The following BTRC variants were observed in gnomAD, a reference collection of about 807,000 sequenced individuals.
The protein encoded by BTRC is F-box/WD repeat-containing protein 1A.
A neutral mutation model predicts 85.5 loss-of-function variants in BTRC; 42 were observed. That is an observed-to-expected ratio of 0.49 (90% CI 0.38 to 0.64). The LOEUF (loss-of-function observed/expected upper bound fraction) is 0.64. Among genes scored for constraint, BTRC ranks in the 30% least tolerant of loss-of-function variants. BTRC has a pLI of 0.00. For missense variants in BTRC, 594 were observed against 743.5 expected (o/e 0.80, Z 2.34); for synonymous variants, 255 against 263.3 (o/e 0.97, Z 0.30).
At chr10:101,499,022 A>G (rs1946336495) in intron 4 of BTRC, among the ~76,000 whole-genome samples, 1 of 152,032 alleles carries the variant, frequency 6.6e-6, no homozygotes. Flanking sequence ...AATAATAATA[A>G]TAGCCACCTT....
At chr10:101,385,823 T>C (rs906103925) in intron 1 of BTRC, among the ~76,000 whole-genome samples, 4 of 129,964 alleles carry the variant, frequency 3.1e-5, no homozygotes, top group Non-Finnish European at 7.3e-5. Context: ...AACCCTGATC[T>C]AGCTTGTTTT....
chr10:101,549,713 C>CAA (rs755481178), intron 13 of BTRC, among the ~76,000 whole-genome samples: 2,417 of 42,346 alleles, frequency 0.057, 299 homozygotes, highest in African/African-American at 0.09. Flanking sequence ...GACTCTGTCT[C>CAA]AAAAAAAAAA....
chr10:101,551,480 C>T (rs1379667465), intron 14 of BTRC, among the ~76,000 whole-genome samples: 5 of 152,210 alleles, frequency 3.3e-5, no homozygotes, highest in African/African-American at 9.7e-5. Context: ...TCTCCAACCT[C>T]TCTCTCAGGC....
In BTRC at chr10:101,531,223, T is replaced by C. The variant is rs375593157; in HGVS notation, c.744-14T>C. ...TGTCATGATTTTCACTGGGAAATAT[T>C]TGTTATTTTTTAGGGGACAGTATTT... On this transcript the variant is annotated splice_polypyrimidine_tract_variant and intron_variant, in intron 6 of 14. Transcript: ENST00000370187. 6.5e-7 allele frequency: 1 copy of C among 1,533,416 alleles called. No homozygotes were observed. Among genetic ancestry groups the C allele is most frequent in the Non-Finnish European group, 9.0e-7 (1 of 1,113,058 alleles). The allele number at this position is 1,533,416 out of a possible 1,614,324, so 95.0% of individuals were successfully genotyped here.
intron 4 of BTRC, among the ~76,000 whole-genome samples, chr10:101,512,313 T>G (rs2061967597): frequency 6.6e-6 from 1 of 152,240 alleles, no homozygotes. Context: ...CCAGAGCCTT[T>G]CCTTAAAGCC....
intron 2 of BTRC, among the ~76,000 whole-genome samples, chr10:101,436,372 C>G (rs1025203812): frequency 6.6e-6 from 1 of 152,108 alleles, no homozygotes; most frequent in Non-Finnish European, 1.5e-5. Flanking sequence ...GGGCCGGGCA[C>G]GGTGATGCAC....
intron 1 of BTRC, among the ~76,000 whole-genome samples, chr10:101,413,129 T>C (rs562713273): frequency 6.6e-6 from 1 of 152,086 alleles, no homozygotes; most frequent in South Asian, 2.1e-4. Context: ...TTTGTTTGTT[T>C]TGGGTTTGTT....
intron 2 of BTRC, 102 bp downstream of exon 2, chr10:101,430,554 T>C (rs999958837): frequency 5.7e-6 from 5 of 878,742 alleles, no homozygotes; most frequent in Non-Finnish European, 3.6e-6. Flanking sequence ...ATATTCATCT[T>C]TTCTCCTTCA....
At chr10:101,416,056 T>A (rs1040297339) in intron 1 of BTRC, among the ~76,000 whole-genome samples, 19 of 152,194 alleles carry the variant, frequency 1.2e-4, no homozygotes, top group African/African-American at 4.3e-4. Context: ...AGAAATCACC[T>A]AGTGATGCAT....
intron 14 of BTRC, chr10:101,551,113 G>A: frequency 2.5e-6 from 1 of 408,040 alleles, no homozygotes. Flanking sequence ...GGTCCTACTT[G>A]TGTGGTAAGC....
intron 1 of BTRC, among the ~76,000 whole-genome samples, chr10:101,386,315 ACT>A (rs1943078444): frequency 6.6e-6 from 1 of 152,160 alleles, no homozygotes; most frequent in Non-Finnish European, 1.5e-5. Context: ...TGTGGAATAA[ACT>A]CTGTTCTGTC....
chr10:101,543,560 G>A (rs573825030), intron 13 of BTRC, among the ~76,000 whole-genome samples: 17 of 146,764 alleles, frequency 1.2e-4, no homozygotes, highest in Non-Finnish European at 2.4e-4. Flanking sequence ...AATCTATCAT[G>A]TTGCTATTTA....
At chr10:101,391,522 G>A (rs548914861) in intron 1 of BTRC, among the ~76,000 whole-genome samples, 2 of 152,068 alleles carry the variant, frequency 1.3e-5, no homozygotes, top group African/African-American at 4.8e-5. Flanking sequence ...CACAACCTTC[G>A]TAGTTCAGCC....
chr10:101,458,348 T>A (rs1436355748), intron 2 of BTRC, among the ~76,000 whole-genome samples: 1 of 152,092 alleles, frequency 6.6e-6, no homozygotes, highest in Non-Finnish European at 1.5e-5. Context: ...TGATTTTCAG[T>A]GGGGAGAGGG....
At chr10:101,385,207 G>GA (rs113587011) in intron 1 of BTRC, among the ~76,000 whole-genome samples, 53,361 of 148,132 alleles carry the variant, frequency 0.36, 10,546 homozygotes, top group Middle Eastern at 0.47. Flanking sequence ...CTAAAAAAAA[G>GA]AAAAAAAAAA....
chr10:101,505,086 C>T (rs1266295602), intron 4 of BTRC, among the ~76,000 whole-genome samples: 2 of 52,252 alleles, frequency 3.8e-5, no homozygotes, highest in African/African-American at 1.7e-4. Flanking sequence ...GGATTACAGG[C>T]GTGCACCACT....
chr10:101,550,569 A>T, intron 13 of BTRC, 130 bp from the exon 14 acceptor site: 1 of 904,282 alleles, frequency 1.1e-6, no homozygotes, highest in Non-Finnish European at 1.7e-6. Context: ...GGTGTGAGCC[A>T]CTGCGCCTGG....
intron 1 of BTRC, among the ~76,000 whole-genome samples, chr10:101,389,254 A>G (rs1338156431): frequency 1.3e-5 from 2 of 150,990 alleles, no homozygotes; most frequent in Non-Finnish European, 2.9e-5. Flanking sequence ...CCGATATGCA[A>G]TTCACAAGAT....
intron 1 of BTRC, among the ~76,000 whole-genome samples, chr10:101,411,021 AG>A (rs1334385863): frequency 1.5e-5 from 2 of 137,224 alleles, no homozygotes; most frequent in East Asian, 4.3e-4. Context: ...TTTTTGAGAC[AG>A]TGTCACTCTG....
Sources: gnomAD v4.1 joint callset for allele counts (sites outside exome capture counted in the v4.1 genomes callset) on GRCh38, gnomAD v4.1.1 for gene constraint, MANE v1.5 for transcripts, NCBI Gene and HGNC (gene_info 2026-07-23, HGNC 2026-07-21) for gene names.